Variants in P3H2 observed in about 807,000 individuals in gnomAD.
P3H2 encodes the protein leprecan-like 1.
Under a neutral mutation model 87.0 loss-of-function variants are expected in P3H2, and 80 were observed. The ratio of observed to expected loss-of-function variants is 0.92; its 90% CI spans 0.77 to 1.11. The LOEUF is 1.11. Among genes scored for constraint, P3H2 ranks in the 50% least tolerant of loss-of-function variants. The pLI, the probability that P3H2 is intolerant of heterozygous loss-of-function variation, is 0.00. For synonymous variants in P3H2, 367 were observed against 359.3 expected (o/e 1.02, Z -0.24); for missense variants, 1,001 against 923.9 (o/e 1.08, Z -1.08).
At position 190,120,256 on chromosome 3, in the gene P3H2, A is replaced by C. The variant is rs1053716947; in HGVS notation, c.476T>G (p.Ile159Ser). 6.2e-7 allele frequency: 1 copy of C among 1,610,530 alleles called. No homozygotes were observed. The highest frequency in any genetic ancestry group is 1.3e-5 in the African/African-American group (1 of 74,906). Residue 159 changes from isoleucine to serine, a missense_variant, in exon 1 of 15, where the codon ATC becomes AGC. By Grantham distance (142) the Ile-to-Ser change is moderately radical (BLOSUM62 -2). Transcript: ENST00000319332. ...GGAGGAGCGCTCTGTGGGTACCTTG[A>C]TGTAGGCCCGCTGCAGGTAGTTGTA... ...VPYNYLQRAYIKLNQLEKAVE... is the reference protein window; with the variant it reads ...VPYNYLQRAYSKLNQLEKAVE...
chr3:190,121,785 T>C (rs1309204754), upstream of P3H2: 1 of 152,250 alleles, frequency 6.6e-6, no homozygotes, highest in African/African-American at 2.4e-5. Context: ...CGTAAAATGC[T>C]ATTCAGAAAA....
chr3:190,015,692 T>C (rs1724731223), intron 1 of P3H2, among the ~76,000 whole-genome samples: 3 of 94,812 alleles, frequency 3.2e-5, no homozygotes, highest in African/African-American at 3.4e-5. Flanking sequence ...TCAGCATCAT[T>C]GCACTCAGCC....
At chr3:190,068,697 T>C (rs1726595346) in intron 1 of P3H2, among the ~76,000 whole-genome samples, 1 of 152,108 alleles carries the variant, frequency 6.6e-6, no homozygotes, top group African/African-American at 2.4e-5. Context: ...TCCTAAAAGC[T>C]GAAGTTGCGA....
rs57074960 is a variant in P3H2 at position 190,095,303 on chromosome 3, C to CATATATAT, written c.480+24941_480+24948dup. On this transcript the variant is annotated intron_variant, in intron 1 of 14. Coordinates refer to ENST00000319332, the MANE Select transcript of P3H2 (RefSeq NM_018192.4). ...GTCTCAAAGACAAATTGTCTCAAAA[C>CATATATAT]ATATATATATATATATATATATATA... is the stretch of plus-strand genomic sequence containing the variant. 1.9e-3 allele frequency among the ~76,000 whole-genome samples: 94 copies of CATATATAT among 49,438 alleles called. 2 individuals are homozygous for CATATATAT. Among genetic ancestry groups the CATATATAT allele is most frequent in the Non-Finnish European group, 2.5e-3 (74 of 29,240 alleles). 32.4% of individuals were successfully genotyped at this position (49,438 alleles called of 152,430 possible).
intron 1 of P3H2, among the ~76,000 whole-genome samples, chr3:190,043,539 T>C (rs1208916779): frequency 2.0e-5 from 3 of 152,322 alleles, no homozygotes; most frequent in East Asian, 1.9e-4. Flanking sequence ...GAATTTCCTA[T>C]TGATCTTTAT....
chr3:190,117,693 A>G (rs976673582), intron 1 of P3H2, among the ~76,000 whole-genome samples: 2 of 143,416 alleles, frequency 1.4e-5, no homozygotes, highest in Non-Finnish European at 3.0e-5. Context: ...GTGCGTATTC[A>G]TAAGTGAAAT....
intron 1 of P3H2, among the ~76,000 whole-genome samples, chr3:190,063,215 GT>G (rs1454248589): frequency 6.6e-6 from 1 of 152,144 alleles, no homozygotes; most frequent in African/African-American, 2.4e-5. Flanking sequence ...GCTGCTTCTA[GT>G]TAGTTAGTGC....
At chr3:189,981,548 C>T (rs1327775615) in intron 8 of P3H2, among the ~76,000 whole-genome samples, 1 of 152,124 alleles carries the variant, frequency 6.6e-6, no homozygotes, top group African/African-American at 2.4e-5. Flanking sequence ...TCCTACAACC[C>T]ATTAGCCACT....
chr3:190,073,045 CAA>C (rs1325573687), intron 1 of P3H2, among the ~76,000 whole-genome samples: 3 of 152,142 alleles, frequency 2.0e-5, no homozygotes, highest in Non-Finnish European at 4.4e-5. Flanking sequence ...TTAAAAATCA[CAA>C]AGTCACGTGG....
At chr3:189,960,841 G>A (rs1200095495) in intron 14 of P3H2, among the ~76,000 whole-genome samples, 2 of 151,980 alleles carry the variant, frequency 1.3e-5, no homozygotes, top group African/African-American at 4.8e-5. Context: ...TTTACAAAAA[G>A]GCAACTAAAA....
chr3:189,993,268 G>C (rs970739029), intron 3 of P3H2, among the ~76,000 whole-genome samples: 9 of 147,904 alleles, frequency 6.1e-5, no homozygotes, highest in Non-Finnish European at 1.3e-4. Flanking sequence ...GTTGCAGTGA[G>C]CCAAGATCAC....
In P3H2 at chr3:189,974,419, A is replaced by C. The variant is rs933048640; in HGVS notation, c.1452+139T>G. On this transcript the variant is annotated intron_variant, in intron 9 of 14. Coordinates refer to ENST00000319332, the MANE Select transcript of P3H2 (RefSeq NM_018192.4). ...ACCCAAAGGCTATAAAAGTTCCTCA[A>C]AAATAATTTATGTCTTTCTCCTCAA... is the stretch of plus-strand genomic sequence containing the variant. 4.1e-6 allele frequency: 5 copies of C among 1,229,308 alleles called. No individual in the cohort carries two copies. In the East Asian group the frequency reaches 1.3e-4, roughly 31 times the overall value. The allele number at this position is 1,229,308 out of a possible 1,614,324, so 76.2% of individuals were successfully genotyped here. A position where few individuals can be genotyped will look rare whatever the true frequency, so the allele number is the denominator to read the frequency against.
chr3:190,039,138 G>A (rs547479333), intron 1 of P3H2, among the ~76,000 whole-genome samples: 8 of 148,816 alleles, frequency 5.4e-5, no homozygotes, highest in African/African-American at 7.5e-5. Context: ...GCGGTGAGCC[G>A]AGATCACACC....
chr3:189,992,222 G>A (rs1723901077), intron 3 of P3H2, among the ~76,000 whole-genome samples: 1 of 152,046 alleles, frequency 6.6e-6, no homozygotes, highest in Non-Finnish European at 1.5e-5. Flanking sequence ...AGCCTCCTAA[G>A]TAGCTGGGAT....
chr3:189,959,289 T>C (rs953031898), intron 14 of P3H2, among the ~76,000 whole-genome samples: 2 of 151,650 alleles, frequency 1.3e-5, no homozygotes, highest in Non-Finnish European at 2.9e-5. Context: ...AGTTTTAGGG[T>C]ACATGTGCAC....
chr3:189,957,946 T>C lies in P3H2; in HGVS notation c.2093A>G (p.His698Arg). Residue 698 changes from histidine (H) to arginine (R), a missense_variant, in exon 15 of 15, where the codon CAT becomes CGT. His to Arg is a conservative substitution (Grantham distance 29). Transcript: ENST00000319332. Reference protein sequence around the residue: ...AILDQEQQGKHELNINPKDEL With the variant: ...AILDQEQQGKRELNINPKDEL Reference sequence around the variant, plus strand: ...ATCTTTAGGGTTGATATTCAGTTCATGCTTCCCTTGCTGTTCTTGATCCAG... The same window carrying C: ...ATCTTTAGGGTTGATATTCAGTTCACGCTTCCCTTGCTGTTCTTGATCCAG... 2 of 1,613,362 alleles carry C rather than the reference T, an allele frequency of 1.2e-6. No individual in the cohort carries two copies. The highest frequency in any genetic ancestry group is 2.2e-5 in the East Asian group (1 of 44,870).
At chr3:189,986,524 G>A (rs921783784) in intron 6 of P3H2, among the ~76,000 whole-genome samples, 2 of 152,180 alleles carry the variant, frequency 1.3e-5, no homozygotes, top group African/African-American at 2.4e-5. Context: ...AGGAGGCGGA[G>A]GTTGCAGTGA....
At chr3:190,015,433 A>C (rs903287170) in intron 1 of P3H2, among the ~76,000 whole-genome samples, 2 of 152,340 alleles carry the variant, frequency 1.3e-5, no homozygotes, top group East Asian at 3.9e-4. Flanking sequence ...CCTTACTCAG[A>C]GCCCCCTTGG....
intron 10 of P3H2, 174 bp from the exon 11 acceptor site, chr3:189,973,198 T>C: frequency 1.6e-6 from 1 of 611,718 alleles, no homozygotes. Flanking sequence ...TGGAATAAAC[T>C]CTTCCCAATA....
Sources: allele counts gnomAD v4.1 joint callset (sites outside exome capture counted in the v4.1 genomes callset), GRCh38; gene constraint gnomAD v4.1.1; transcripts MANE v1.5; gene names NCBI Gene and HGNC (gene_info 2026-07-23, HGNC 2026-07-21).